The following CNBD2 variants were observed in gnomAD, a reference collection of about 807,000 sequenced individuals.
CNBD2 encodes the protein cyclic nucleotide binding domain containing 2.
In CNBD2, 64 loss-of-function variants were observed where a neutral mutation model predicts 63.7. That is an observed-to-expected ratio of 1.00 (90% CI 0.82 to 1.24). The LOEUF (loss-of-function observed/expected upper bound fraction) is 1.24. Ranked by LOEUF, CNBD2 falls within the 50% of genes most tolerant of loss-of-function variation. The pLI, the probability that CNBD2 is intolerant of heterozygous loss-of-function variation, is 0.00. For synonymous variants in CNBD2, 229 were observed against 255.4 expected (o/e 0.90, Z 0.99); for missense variants, 691 against 713.5 (o/e 0.97, Z 0.36).
At chr20:36,006,342 T>C (rs2056985232) in intron 8 of CNBD2, among the ~76,000 whole-genome samples, 1 of 152,172 alleles carries the variant, frequency 6.6e-6, no homozygotes, top group African/African-American at 2.4e-5. Flanking sequence ...ATCTCTTTTT[T>C]AATCAATGTT....
At chr20:36,010,312 T>C (rs2057040499) in intron 9 of CNBD2, among the ~76,000 whole-genome samples, 1 of 152,080 alleles carries the variant, frequency 6.6e-6, no homozygotes, top group Non-Finnish European at 1.5e-5. Context: ...ATTTCCAAGC[T>C]CCTGGCCTCC....
In CNBD2 at chr20:35,972,713, T is replaced by TATC. The variant is rs2056438983; in HGVS notation, c.138_140dup (p.Tyr46_Gln47insHis). On this transcript the variant is annotated inframe_insertion, in exon 2 of 12. Transcript: ENST00000373973. ...CCAAGGCCTCAGGGGATTCCGGGAA[T>TATC]ATCAAATCATTGAGACTGCTCACTG... 1.9e-6 allele frequency: 3 copies of TATC among 1,613,996 alleles called. No individual in the cohort carries two copies. In the Admixed American group the frequency reaches 5.0e-5, roughly 27 times the overall value.
At chr20:36,000,048 C>A (rs2147288518) in intron 8 of CNBD2, among the ~76,000 whole-genome samples, 1 of 152,298 alleles carries the variant, frequency 6.6e-6, no homozygotes. Flanking sequence ...TACATAGTTA[C>A]TATTTCTGAT....
chr20:36,022,050 C>T (rs1463864969), intron 10 of CNBD2, among the ~76,000 whole-genome samples: 14 of 151,556 alleles, frequency 9.2e-5, no homozygotes, highest in Admixed American at 7.9e-4. Context: ...ACTCTGTCAC[C>T]CAGGCTGGAG....
chr20:35,991,807 G>T (rs1385219687), intron 7 of CNBD2, among the ~76,000 whole-genome samples: 1 of 152,032 alleles, frequency 6.6e-6, no homozygotes, highest in Admixed American at 6.6e-5. Flanking sequence ...CATTCCTCCC[G>T]CAATCCAGTG....
chr20:35,963,210 G>T (rs1476811171), intron 2 of CNBD2, among the ~76,000 whole-genome samples: 1 of 151,884 alleles, frequency 6.6e-6, no homozygotes, highest in Non-Finnish European at 1.5e-5. Context: ...TCATGGTGGT[G>T]CACACCTGTG....
intron 11 of CNBD2, among the ~76,000 whole-genome samples, chr20:36,029,600 C>T (rs1416550526): frequency 6.6e-6 from 1 of 152,124 alleles, no homozygotes; most frequent in Non-Finnish European, 1.5e-5. Context: ...TGGCAGCTGG[C>T]TTTGTCATAT....
chr20:36,013,306 T>A (rs1463048603), intron 10 of CNBD2, among the ~76,000 whole-genome samples: 1 of 152,000 alleles, frequency 6.6e-6, no homozygotes. Flanking sequence ...TAGTTCCAGC[T>A]ACTCGGGAGG....
chr20:36,013,277 G>A (rs938481803), intron 10 of CNBD2, among the ~76,000 whole-genome samples: 2 of 152,006 alleles, frequency 1.3e-5, no homozygotes, highest in African/African-American at 2.4e-5. Context: ...AATTAGCCAG[G>A]TGTGGTGGTG....
chr20:35,959,234 T>A (rs569330420), downstream of CNBD2, among the ~76,000 whole-genome samples: 5 of 152,350 alleles, frequency 3.3e-5, no homozygotes, highest in Admixed American at 6.5e-5. Context: ...GTCATTTTTT[T>A]AAAACCGATG....
At chr20:36,006,385 C>A (rs1341891002) in intron 8 of CNBD2, among the ~76,000 whole-genome samples, 1 of 151,476 alleles carries the variant, frequency 6.6e-6, no homozygotes, top group Non-Finnish European at 1.5e-5. Context: ...ATAGAGTGCA[C>A]ATATTTTATG....
At chr20:36,005,317 C>T (rs1231493311) in intron 8 of CNBD2, among the ~76,000 whole-genome samples, 2 of 152,178 alleles carry the variant, frequency 1.3e-5, no homozygotes, top group African/African-American at 4.8e-5. Context: ...ACCTAGATGC[C>T]TCTCATGCAC....
At chr20:36,012,822 C>CAAA (rs141479430) in intron 10 of CNBD2, among the ~76,000 whole-genome samples, 11 of 87,146 alleles carry the variant, frequency 1.3e-4, no homozygotes, top group South Asian at 3.6e-4. Flanking sequence ...AAATCCGTCT[C>CAAA]AAAAAAAAAA....
chr20:36,026,469 C>T (rs2057284354), intron 11 of CNBD2, among the ~76,000 whole-genome samples: 1 of 152,100 alleles, frequency 6.6e-6, no homozygotes, highest in East Asian at 1.9e-4. Flanking sequence ...GTGTTAAACT[C>T]CTGCTTGAAA....
At chr20:35,955,621 T>G (rs1172044231), downstream of CNBD2, among the ~76,000 whole-genome samples, 1 of 152,190 alleles carries the variant, frequency 6.6e-6, no homozygotes, top group Non-Finnish European at 1.5e-5. Flanking sequence ...GAGCTACTGT[T>G]TTCTTATCAG....
In CNBD2 at chr20:36,030,341, T is replaced by A. The variant is rs764602878; in HGVS notation, c.1440-16T>A. On this transcript the variant is annotated splice_polypyrimidine_tract_variant and intron_variant, in intron 11 of 11. Transcript: ENST00000373973. ...GGACTGGCATGAGAACCTCGGCTTC[T>A]GTGCCTGCCCTTTAGTGATGAAGAT... 2.5e-6 allele frequency: 4 copies of A among 1,612,700 alleles called. No individual in the cohort carries two copies.
intron 2 of CNBD2, among the ~76,000 whole-genome samples, chr20:35,962,150 C>T (rs1339294018): frequency 2.0e-5 from 3 of 152,208 alleles, no homozygotes; most frequent in Non-Finnish European, 4.4e-5. Flanking sequence ...CTACTCTCAG[C>T]ACCGTCACCC....
chr20:36,002,542 T>C (rs534815081), intron 8 of CNBD2, among the ~76,000 whole-genome samples: 82 of 152,288 alleles, frequency 5.4e-4, no homozygotes, highest in African/African-American at 1.9e-3. Context: ...CCACCTGCCT[T>C]GGCTTCCCAA....
chr20:35,992,771 G>A lies in CNBD2; in HGVS notation c.856-2267G>A, dbSNP rs184412665. Among the ~76,000 whole-genome samples, 472 of 148,930 alleles carry A rather than the reference G, an allele frequency of 3.2e-3. 4 individuals carry two copies. The highest frequency in any genetic ancestry group is 0.011 in the African/African-American group (455 of 40,206). On this transcript the variant is annotated intron_variant, in intron 7 of 11. Coordinates refer to ENST00000373973, the MANE Select transcript of CNBD2 (RefSeq NM_001365709.1). ...CTCCCCCACCCCCCGACCCTGGTTG[G>A]AAATGAAAAGCACCAGCCCCCTCTA... is the stretch of plus-strand genomic sequence containing the variant.
Sources: gnomAD v4.1 joint callset for allele counts (sites outside exome capture counted in the v4.1 genomes callset) on GRCh38, gnomAD v4.1.1 for gene constraint, MANE v1.5 for transcripts, NCBI Gene and HGNC (gene_info 2026-07-23, HGNC 2026-07-21) for gene names.